The following NENF variants were observed in gnomAD, a reference collection of about 807,000 sequenced individuals.
NENF encodes the protein neudesin neurotrophic factor, also known as neudesin.
In NENF, 6 loss-of-function variants were observed where a neutral mutation model predicts 14.8. The ratio of observed to expected loss-of-function variants is 0.40; its 90% CI spans 0.22 to 0.80. NENF has a LOEUF of 0.80. NENF is among the 30% of genes least tolerant of loss of function. The pLI is 0.34. For synonymous variants in NENF, 76 were observed against 95.1 expected, an observed-to-expected ratio of 0.80 and a Z score of 1.17; for missense variants, 184 against 212.7, an observed-to-expected ratio of 0.87 and a Z score of 0.84.
At chr1:212,440,909 C>G (rs1321928390) in intron 1 of NENF, among the ~76,000 whole-genome samples, 1 of 152,210 alleles carries the variant, frequency 6.6e-6, no homozygotes, top group African/African-American at 2.4e-5. Flanking sequence ...AGCAGCGACT[C>G]CCACCCTCGC....
intron 2 of NENF, 43 bp from the exon 3 acceptor site, chr1:212,444,296 A>G (rs763970683): frequency 3.6e-6 from 5 of 1,406,412 alleles, no homozygotes; most frequent in Admixed American, 4.1e-5. Context: ...GTTACTCTGC[A>G]TGTAAACCCA....
intron 1 of NENF, among the ~76,000 whole-genome samples, chr1:212,440,117 T>G (rs1662677680): frequency 6.6e-6 from 1 of 151,476 alleles, no homozygotes; most frequent in Admixed American, 6.6e-5. Context: ...CTGGGTATGG[T>G]GGCGTGTGCC....
At chr1:212,442,459 G>C in intron 1 of NENF, 106 bp from the exon 2 acceptor site, 1 of 874,774 alleles carries the variant, frequency 1.1e-6, no homozygotes, top group South Asian at 1.4e-5. Context: ...TTTGGGACTT[G>C]ACCCACTGCT....
intron 2 of NENF, among the ~76,000 whole-genome samples, chr1:212,444,087 T>G (rs1319496402): frequency 1.3e-5 from 2 of 152,004 alleles, no homozygotes; most frequent in Non-Finnish European, 2.9e-5. Context: ...GGGGTACTAT[T>G]CTCATTTTAT....
intron 3 of NENF, among the ~76,000 whole-genome samples, chr1:212,445,241 T>G (rs777213727): frequency 1.5e-4 from 22 of 149,756 alleles, no homozygotes; most frequent in Non-Finnish European, 2.5e-4. Context: ...GGCAACAGAG[T>G]GAGACTCCAT....
At chr1:212,434,727 A>G (rs1662577873) in intron 1 of NENF, 1 of 152,256 alleles carries the variant, frequency 6.6e-6, no homozygotes, top group African/African-American at 2.4e-5. Context: ...TGACCCGATG[A>G]TCTTTGGGAC....
intron 2 of NENF, among the ~76,000 whole-genome samples, chr1:212,443,909 C>T (rs1030607923): frequency 6.6e-6 from 1 of 151,696 alleles, no homozygotes; most frequent in Non-Finnish European, 1.5e-5. Context: ...ATTAGCTGGG[C>T]ATGGTGGTGG....
At chr1:212,445,666 C>G (rs539308769) in intron 3 of NENF, among the ~76,000 whole-genome samples, 164 bp from the exon 4 acceptor site, 2 of 152,040 alleles carry the variant, frequency 1.3e-5, no homozygotes, top group East Asian at 1.9e-4. Context: ...CACGCCCCCC[C>G]CACAGCAGTG....
chr1:212,446,132 C>A lies in NENF; in HGVS notation c.*126C>A, dbSNP rs1292152784. 2 of 903,960 alleles carry A rather than the reference C, an allele frequency of 2.2e-6. No individual in the cohort carries two copies. Among genetic ancestry groups the A allele is most frequent in the Admixed American group, 5.3e-5 (2 of 37,794 alleles). The allele number at this position is 903,960 out of a possible 1,614,324, so 56.0% of individuals were successfully genotyped here. On this transcript the variant is annotated 3_prime_UTR_variant, in exon 4 of 4. Transcript: ENST00000366988. Reference sequence around the variant, plus strand: ...AGATCTGAATAAAACAGATGCTTACCCTGGAAGAGCAAATGCCTCCTGTTG... The same window carrying A: ...AGATCTGAATAAAACAGATGCTTACACTGGAAGAGCAAATGCCTCCTGTTG...
At chr1:212,435,578 C>T (rs1402799152) in intron 1 of NENF, among the ~76,000 whole-genome samples, 2 of 145,740 alleles carry the variant, frequency 1.4e-5, no homozygotes, top group Non-Finnish European at 3.0e-5. Flanking sequence ...GACAGGGTCT[C>T]ACTCTATTGC....
At chr1:212,439,188 CT>C (rs1662657442) in intron 1 of NENF, among the ~76,000 whole-genome samples, 2 of 152,234 alleles carry the variant, frequency 1.3e-5, no homozygotes, top group Non-Finnish European at 2.9e-5. Flanking sequence ...CCTCTTCGCA[CT>C]TACACCTTCA....
chr1:212,441,563 T>A (rs984255878), intron 1 of NENF, among the ~76,000 whole-genome samples: 1 of 152,126 alleles, frequency 6.6e-6, no homozygotes, highest in African/African-American at 2.4e-5. Flanking sequence ...GGTGGGTGGA[T>A]CACCTGAGGT....
In NENF at chr1:212,446,221, C is replaced by T; in HGVS notation, c.*215C>T. On this transcript the variant is annotated 3_prime_UTR_variant, in exon 4 of 4. Transcript: ENST00000366988. ...CTGCACACCAGGGATCAATAAGAGC[C>T]AAAGTGGGACACCTCCTAGATGTCA... 1.8e-6 allele frequency: 1 copy of T among 545,232 alleles called. No homozygotes were observed. The highest frequency in any genetic ancestry group is 1.9e-5 in the African/African-American group (1 of 53,100). 33.8% of individuals were successfully genotyped at this position (545,232 alleles called of 1,614,324 possible).
In NENF at chr1:212,432,926, T is replaced by C. The variant is rs1055607538; in HGVS notation, c.-18T>C. ...CCCGCCGCCCTGGCCCGGCCTTGCC[T>C]TGCGCTGCGCGCTCACCATGGTGGG... On this transcript the variant is annotated 5_prime_UTR_variant, in exon 1 of 4. Transcript: ENST00000366988. The C allele has an allele frequency of 1.8e-5, 12 of 673,514 alleles. No homozygotes were observed. In the African/African-American group the frequency reaches 2.3e-4, roughly 13 times the overall value. The allele number at this position is 673,514 out of a possible 1,614,324, so 41.7% of individuals were successfully genotyped here.
chr1:212,440,684 G>T (rs1459541787), intron 1 of NENF, among the ~76,000 whole-genome samples: 2 of 152,210 alleles, frequency 1.3e-5, no homozygotes, highest in Non-Finnish European at 2.9e-5. Context: ...TCATATGACA[G>T]GCAGAGAAGC....
rs139531131 is a variant in NENF, at chr1:212,437,946, G to A, written c.178-4619G>A. ...AGCTGGAAAGATCGCTTAAGCCCAG[G>A]AGTTTGAGACCAGCCTGGGCAACGT... On this transcript the variant is annotated intron_variant, in intron 1 of 3. Coordinates refer to ENST00000366988, the MANE Select transcript of NENF (RefSeq NM_013349.5). Among the ~76,000 whole-genome samples, 38 of 152,280 alleles carry A rather than the reference G, an allele frequency of 2.5e-4. No individual in the cohort carries two copies. In the East Asian group the frequency reaches 6.8e-3, roughly 27 times the overall value.
At chr1:212,443,918 G>T (rs1662735206) in intron 2 of NENF, among the ~76,000 whole-genome samples, 1 of 151,944 alleles carries the variant, frequency 6.6e-6, no homozygotes, top group Non-Finnish European at 1.5e-5. Context: ...GCATGGTGGT[G>T]GCACATGCCT....
intron 1 of NENF, among the ~76,000 whole-genome samples, chr1:212,437,242 T>C (rs957397945): frequency 7.2e-5 from 11 of 152,170 alleles, no homozygotes; most frequent in Admixed American, 5.9e-4. Context: ...CAGAACCTTG[T>C]TGGAGCTGCT....
intron 1 of NENF, among the ~76,000 whole-genome samples, chr1:212,441,140 T>G (rs1030851046): frequency 6.6e-6 from 1 of 152,164 alleles, no homozygotes; most frequent in Non-Finnish European, 1.5e-5. Flanking sequence ...CAAAAAAAAG[T>G]GTAAAGCCCA....
Sources: allele counts gnomAD v4.1 joint callset (sites outside exome capture counted in the v4.1 genomes callset), GRCh38; gene constraint gnomAD v4.1.1; transcripts MANE v1.5; gene names NCBI Gene and HGNC (gene_info 2026-07-23, HGNC 2026-07-21).